The following C1QTNF3 variants were observed in gnomAD, a reference collection of about 807,000 sequenced individuals.
The protein encoded by C1QTNF3 is C1q and TNF related 3, also known as complement C1q tumor necrosis factor-related protein 3.
Under a neutral mutation model 32.6 loss-of-function variants are expected in C1QTNF3, and 26 were observed. That is an observed-to-expected ratio of 0.80 (90% CI 0.58 to 1.11). C1QTNF3 has a LOEUF of 1.11. Among genes scored for constraint, C1QTNF3 ranks in the 50% least tolerant of loss-of-function variants. C1QTNF3 has a pLI of 0.00. For missense variants in C1QTNF3, 362 were observed against 398.2 expected (o/e 0.91, Z 0.77); for synonymous variants, 155 against 146.0 (o/e 1.06, Z -0.44).
chr5:34,056,473 TATATATAGAGAGAGAGAGAGAGAG>T, the C1QTNF3 span, among the ~76,000 whole-genome samples: 5 of 106,984 alleles, frequency 4.7e-5, no homozygotes, highest in African/African-American at 1.5e-4. Flanking sequence ...TATATATATA[TATATATAGAGAGAGAGAGAGAGAG>T]AGAGAGAGAG....
chr5:34,216,939 G>A, the C1QTNF3 span, among the ~76,000 whole-genome samples: 1 of 152,076 alleles, frequency 6.6e-6, no homozygotes, highest in East Asian at 1.9e-4. Flanking sequence ...AAATAAAACG[G>A]TGTGTCATTT....
the C1QTNF3 span, among the ~76,000 whole-genome samples, chr5:34,154,144 C>G: frequency 6.6e-6 from 1 of 151,936 alleles, no homozygotes; most frequent in East Asian, 1.9e-4. Flanking sequence ...TGGAATTTTT[C>G]CTGCATTTAT....
intron 3 of C1QTNF3, 165 bp from the exon 4 acceptor site, chr5:34,029,048 G>T: frequency 4.0e-6 from 2 of 499,278 alleles, no homozygotes; most frequent in Non-Finnish European, 6.9e-6. Flanking sequence ...ACATTTGAAT[G>T]CTATGCAGCC....
At chr5:34,072,747 A>G in the C1QTNF3 span, among the ~76,000 whole-genome samples, 1 of 152,194 alleles carries the variant, frequency 6.6e-6, no homozygotes, top group African/African-American at 2.4e-5. Flanking sequence ...TTTCCTGTGC[A>G]TGTGGAGTCG....
the C1QTNF3 span, among the ~76,000 whole-genome samples, chr5:34,115,591 C>A: frequency 6.6e-6 from 1 of 152,146 alleles, no homozygotes; most frequent in African/African-American, 2.4e-5. Flanking sequence ...ATTAGCTGGG[C>A]GTGGTGGCGA....
chr5:34,028,058 C>G (rs1036087771), intron 4 of C1QTNF3, among the ~76,000 whole-genome samples: 1 of 152,140 alleles, frequency 6.6e-6, no homozygotes, highest in Non-Finnish European at 1.5e-5. Context: ...CTGCAAGCTC[C>G]GCCTCCCGGG....
the C1QTNF3 span, among the ~76,000 whole-genome samples, chr5:34,225,816 T>TTTTATGGTGACAA: frequency 2.0e-5 from 3 of 151,960 alleles, no homozygotes; most frequent in Non-Finnish European, 2.9e-5. Flanking sequence ...GACCTAAACT[T>TTTTATGGTGACAA]ATCATTAAAG....
the C1QTNF3 span, among the ~76,000 whole-genome samples, chr5:34,172,455 G>A: frequency 1.3e-5 from 2 of 150,120 alleles, no homozygotes; most frequent in Admixed American, 1.3e-4. Context: ...GGGGCGGGGG[G>A]AACTAAACAT....
chr5:34,080,623 T>G, the C1QTNF3 span, among the ~76,000 whole-genome samples: 1 of 151,758 alleles, frequency 6.6e-6, no homozygotes, highest in Non-Finnish European at 1.5e-5. Flanking sequence ...CTATGAATAG[T>G]CCCCAGAGAG....
the C1QTNF3 span, among the ~76,000 whole-genome samples, chr5:34,238,810 G>C: frequency 6.6e-6 from 1 of 151,888 alleles, no homozygotes; most frequent in African/African-American, 2.4e-5. Flanking sequence ...TACTATAAAA[G>C]GTGACTATCC....
the C1QTNF3 span, among the ~76,000 whole-genome samples, chr5:34,104,741 T>C: frequency 7.2e-6 from 1 of 138,728 alleles, no homozygotes; most frequent in East Asian, 2.1e-4. Context: ...TTTCACCACG[T>C]TGCCAGGCTG....
chr5:34,136,319 C>A, the C1QTNF3 span, among the ~76,000 whole-genome samples: 1 of 143,962 alleles, frequency 6.9e-6, no homozygotes, highest in Non-Finnish European at 1.5e-5. Context: ...AACAAACAAC[C>A]CCATCCAAAA....
At chr5:34,059,506 C>A in the C1QTNF3 span, among the ~76,000 whole-genome samples, 1 of 152,128 alleles carries the variant, frequency 6.6e-6, no homozygotes, top group Non-Finnish European at 1.5e-5. Flanking sequence ...CTGACGAAGG[C>A]CTGCTTCCTG....
the C1QTNF3 span, among the ~76,000 whole-genome samples, chr5:34,226,596 T>C: frequency 5.9e-5 from 9 of 151,318 alleles, no homozygotes; most frequent in Admixed American, 1.3e-4. Flanking sequence ...TTCTTCTCAA[T>C]TGTACAGTTG....
At chr5:34,144,047 C>A in the C1QTNF3 span, among the ~76,000 whole-genome samples, 2 of 151,948 alleles carry the variant, frequency 1.3e-5, no homozygotes, top group Non-Finnish European at 1.5e-5. Flanking sequence ...ATAATAAAAT[C>A]CACAAGCTCA....
the C1QTNF3 span, among the ~76,000 whole-genome samples, chr5:34,108,346 T>A: frequency 1.3e-5 from 2 of 152,134 alleles, no homozygotes; most frequent in African/African-American, 2.4e-5. Context: ...GTTTCCAATA[T>A]GTGTTTCCAG....
At chr5:34,047,391 T>C (rs1426318332), upstream of C1QTNF3, among the ~76,000 whole-genome samples, 1 of 152,218 alleles carries the variant, frequency 6.6e-6, no homozygotes, top group Non-Finnish European at 1.5e-5. Flanking sequence ...AAGGAGGCCG[T>C]TATAAGATGT....
the C1QTNF3 span, among the ~76,000 whole-genome samples, chr5:34,130,262 T>C: frequency 6.0e-4 from 91 of 152,284 alleles, no homozygotes; most frequent in Non-Finnish European, 1.0e-3. Flanking sequence ...CTTTTTTTTA[T>C]AAAGGAGTCA....
intron 4 of C1QTNF3, 56 bp from the exon 5 acceptor site, chr5:34,024,064 C>T (rs1754404780): frequency 7.8e-7 from 1 of 1,282,412 alleles, no homozygotes; most frequent in Non-Finnish European, 1.1e-6. Flanking sequence ...CATTGAGGAC[C>T]TGGAGATACC....
Sources: allele counts gnomAD v4.1 joint callset (sites outside exome capture counted in the v4.1 genomes callset), GRCh38; gene constraint gnomAD v4.1.1; transcripts MANE v1.5; gene names NCBI Gene and HGNC (gene_info 2026-07-23, HGNC 2026-07-21).